Variants in COBLL1 observed in about 807,000 individuals in gnomAD.
COBLL1 encodes the protein cordon-bleu WH2 repeat protein like 1, also known as cordon-bleu protein-like 1.
A neutral mutation model predicts 94.8 loss-of-function variants in COBLL1; 50 were observed. That is an observed-to-expected ratio of 0.53 (90% CI 0.42 to 0.67). The LOEUF is 0.67. Ranked by LOEUF, COBLL1 falls within the 30% of genes least tolerant of loss-of-function variation. COBLL1 has a pLI of 0.00. For synonymous variants in COBLL1, 448 were observed against 473.8 expected, an observed-to-expected ratio of 0.95 and a Z score of 0.71; for missense variants, 1,362 against 1,348.7, an observed-to-expected ratio of 1.01 and a Z score of -0.15.
intron 2 of COBLL1, among the ~76,000 whole-genome samples, chr2:164,795,379 T>C (rs1683393237): frequency 6.6e-6 from 1 of 152,224 alleles, no homozygotes; most frequent in Non-Finnish European, 1.5e-5. Flanking sequence ...CAAAGTTTAG[T>C]AAGTTAAAAT....
intron 1 of COBLL1, among the ~76,000 whole-genome samples, chr2:164,668,270 G>A (rs937385590): frequency 2.0e-5 from 3 of 152,064 alleles, no homozygotes; most frequent in Admixed American, 6.6e-5. Context: ...AGCCTGTCTC[G>A]GCTTTTGACA....
At chr2:164,679,711 G>A (rs937304928), downstream of COBLL1, among the ~76,000 whole-genome samples, 20 of 147,162 alleles carry the variant, frequency 1.4e-4, no homozygotes, top group African/African-American at 4.3e-4. Flanking sequence ...ACCAAACACC[G>A]CATAAATGGG....
In COBLL1 at chr2:164,683,519, C is replaced by T. The variant is rs1185430053; in HGVS notation, c.*2427G>A. ...AACATTATTTTATTATAATTATAAACTACAAGTATACTAGAATTTAGAATA... is the reference window on the plus strand; with the variant it reads ...AACATTATTTTATTATAATTATAAATTACAAGTATACTAGAATTTAGAATA... On this transcript the variant is annotated 3_prime_UTR_variant, in exon 14 of 14. Coordinates refer to ENST00000652658, the MANE Select transcript of COBLL1 (RefSeq NM_001365672.2). 1.3e-5 allele frequency: 2 copies of T among 152,020 alleles called. No individual in the cohort carries two copies. The highest frequency in any genetic ancestry group is 2.9e-5 in the Non-Finnish European group (2 of 68,002). The allele number at this position is 152,020 out of a possible 1,614,324, so 9.4% of individuals were successfully genotyped here.
At chr2:164,795,423 CATT>C (rs1683395496) in intron 2 of COBLL1, among the ~76,000 whole-genome samples, 1 of 152,096 alleles carries the variant, frequency 6.6e-6, no homozygotes, top group African/African-American at 2.4e-5. Flanking sequence ...TGTTTCATGG[CATT>C]ATTGTTAATC....
In COBLL1 at chr2:164,683,423, G is replaced by A. The variant is rs991936257; in HGVS notation, c.*2523C>T. 1.2e-4 allele frequency: 18 copies of A among 152,088 alleles called. No homozygotes were observed. The highest frequency in any genetic ancestry group is 3.9e-4 in the African/African-American group (16 of 41,518). The allele number at this position is 152,088 out of a possible 1,614,324, so 9.4% of individuals were successfully genotyped here. On this transcript the variant is annotated 3_prime_UTR_variant, in exon 14 of 14. Transcript: ENST00000652658. ...TGTTCTCCTAAAATGGTGTCGATAAGGCAACTTTTCAGAACATACATGTAT... is the reference window on the plus strand; with the variant it reads ...TGTTCTCCTAAAATGGTGTCGATAAAGCAACTTTTCAGAACATACATGTAT...
chr2:164,669,636 G>T (rs1691215320), intron 1 of COBLL1, among the ~76,000 whole-genome samples: 1 of 152,214 alleles, frequency 6.6e-6, no homozygotes, highest in East Asian at 1.9e-4. Context: ...TACCCAATTG[G>T]GAACACTGCA....
chr2:164,829,633 T>C (rs1486383763), intron 2 of COBLL1, among the ~76,000 whole-genome samples: 1 of 152,060 alleles, frequency 6.6e-6, no homozygotes, highest in Non-Finnish European at 1.5e-5. Flanking sequence ...GAAATATATA[T>C]CATATACACA....
intron 3 of COBLL1, among the ~76,000 whole-genome samples, chr2:164,733,089 A>T (rs1558964049): frequency 6.6e-6 from 1 of 152,242 alleles, no homozygotes; most frequent in South Asian, 2.1e-4. Context: ...AAAACAAAAA[A>T]TTATTAAAGT....
intron 9 of COBLL1, 150 bp from the exon 10 acceptor site, chr2:164,700,906 G>A: frequency 1.6e-6 from 1 of 607,352 alleles, no homozygotes; most frequent in East Asian, 2.8e-5. Flanking sequence ...TTCTCCTGGT[G>A]AGCAGTCACG....
intron 7 of COBLL1, 24 bp from the exon 8 acceptor site, chr2:164,705,129 A>G: frequency 1.3e-6 from 2 of 1,487,560 alleles, no homozygotes; most frequent in East Asian, 4.9e-5. Context: ...TGACCAAATA[A>G]AATCCTACAT....
At chr2:164,727,117 G>A (rs1685756329) in intron 5 of COBLL1, 1 of 1,498,306 alleles carries the variant, frequency 6.7e-7, no homozygotes, top group Non-Finnish European at 9.1e-7. Flanking sequence ...TTGTAAAGAT[G>A]ACTTACTGAA....
chr2:164,687,156 T>C (rs114421489), intron 13 of COBLL1: 134 of 363,226 alleles, frequency 3.7e-4, no homozygotes, highest in African/African-American at 2.7e-3. Context: ...CTCTTTAGTA[T>C]GCCTGTGAGA....
rs977733601 is a variant in COBLL1 at position 164,682,763 on chromosome 2, C to T, written c.*3183G>A. 5 of 152,012 alleles carry T rather than the reference C, an allele frequency of 3.3e-5. No individual in the cohort carries two copies. Among genetic ancestry groups the T allele is most frequent in the Non-Finnish European group, 5.9e-5 (4 of 68,020 alleles). 9.4% of individuals were successfully genotyped at this position (152,012 alleles called of 1,614,324 possible). ...TCATTTTTCAGAAGAGAAAATGAAG[C>T]ATAGAGAAAGTAATTTGCCCAAGAT... is the stretch of plus-strand genomic sequence containing the variant. On this transcript the variant is annotated 3_prime_UTR_variant, in exon 14 of 14. Coordinates refer to ENST00000652658, the MANE Select transcript of COBLL1 (RefSeq NM_001365672.2).
rs531806587 is a variant in COBLL1, at chr2:164,708,688, T to TAAAGCCCAAA, written c.997-3584_997-3583insTTTGGGCTTT. Among the ~76,000 whole-genome samples, 7 of 152,340 alleles carry TAAAGCCCAAA rather than the reference T, an allele frequency of 4.6e-5. No homozygotes were observed. The East Asian group carries it at 9.6e-4, about 21-fold the overall frequency. ...ATTTTATTTCTCGGATTTACTTCTG[T>TAAAGCCCAAA]AAAGCCCTATTAAAGCCATGCTCCA... is the stretch of plus-strand genomic sequence containing the variant. On this transcript the variant is annotated intron_variant, in intron 7 of 13. Transcript: ENST00000652658.
chr2:164,704,955 T>A lies in COBLL1; in HGVS notation c.1147A>T (p.Thr383Ser). Reference protein sequence around the residue: ...PHQSDENSRVTALQPVDGVPP... With the variant: ...PHQSDENSRVSALQPVDGVPP... The stretch of plus-strand genomic sequence containing the variant: ...GTTAATGAAACAACCACATTACCAG[T>A]CACACGACTATTTTCATCACTTTGA... The change falls in exon 8 of 14, where the codon ACT becomes TCT. Residue 383 changes from threonine to serine, a missense_variant. Transcript: ENST00000652658. The A allele has an allele frequency of 6.3e-7, 1 of 1,576,018 alleles. No homozygotes were observed. Among genetic ancestry groups the A allele is most frequent in the Non-Finnish European group, 8.6e-7 (1 of 1,164,808 alleles).
intron 2 of COBLL1, among the ~76,000 whole-genome samples, chr2:164,744,527 C>T (rs1201214132): frequency 7.2e-5 from 11 of 152,134 alleles, no homozygotes; most frequent in Admixed American, 7.2e-4. Context: ...AAAAAAGAAG[C>T]ATGAAGCATG....
intron 2 of COBLL1, among the ~76,000 whole-genome samples, chr2:164,817,757 AGG>A (rs1684845213): frequency 1.3e-5 from 2 of 152,094 alleles, no homozygotes; most frequent in Non-Finnish European, 2.9e-5. Context: ...TCTTCTAGGA[AGG>A]GAAGCCACCT....
chr2:164,831,286 C>T (rs958462858), intron 2 of COBLL1, among the ~76,000 whole-genome samples: 2 of 151,926 alleles, frequency 1.3e-5, no homozygotes, highest in Non-Finnish European at 2.9e-5. Flanking sequence ...CAAGCCACTG[C>T]ACTTCAGCCT....
intron 2 of COBLL1, among the ~76,000 whole-genome samples, chr2:164,749,193 AT>A (rs1432570334): frequency 1.3e-5 from 2 of 152,180 alleles, no homozygotes; most frequent in Non-Finnish European, 2.9e-5. Context: ...ATATACTTAC[AT>A]CCTTAATAAG....
Sources: gnomAD v4.1 joint callset for allele counts (sites outside exome capture counted in the v4.1 genomes callset) on GRCh38, gnomAD v4.1.1 for gene constraint, MANE v1.5 for transcripts, NCBI Gene and HGNC (gene_info 2026-07-23, HGNC 2026-07-21) for gene names.